The following KIAA1217 variants were observed in gnomAD, a reference collection of about 807,000 sequenced individuals.
The protein encoded by KIAA1217 is sickle tail protein homolog.
In KIAA1217, 88 loss-of-function variants were observed where a neutral mutation model predicts 163.9. The observed-to-expected ratio is 0.54, with a 90% CI of 0.45 to 0.64. The LOEUF (loss-of-function observed/expected upper bound fraction) is 0.64. KIAA1217 is among the 30% of genes least tolerant of loss of function. The probability of loss-of-function intolerance (pLI) is 0.00; values close to 1 mark genes in which losing one functional copy is unlikely to be tolerated. For missense variants in KIAA1217, 2,372 were observed against 2,475.0 expected, an observed-to-expected ratio of 0.96 and a Z score of 0.88; for synonymous variants, 903 against 923.1, an observed-to-expected ratio of 0.98 and a Z score of 0.39.
chr10:24,501,310 TGGG>T, intron 8 of KIAA1217, 66 bp from the exon 9 acceptor site: 1 of 1,431,876 alleles, frequency 7.0e-7, no homozygotes, highest in South Asian at 1.3e-5. Context: ...TCATCTGCAT[TGGG>T]ATGGGATGCA....
chr10:24,208,719 G>A (rs1352480258), upstream of KIAA1217: 1 of 153,646 alleles, frequency 6.5e-6, no homozygotes, highest in Non-Finnish European at 1.4e-5. Flanking sequence ...AGATTAAAGA[G>A]ATGAGGGCAC....
At chr10:24,267,188 A>G (rs1197499025) in intron 2 of KIAA1217, among the ~76,000 whole-genome samples, 1 of 152,164 alleles carries the variant, frequency 6.6e-6, no homozygotes, top group Non-Finnish European at 1.5e-5. Flanking sequence ...CCTCTTCTCC[A>G]TAAGTATAAT....
chr10:24,131,165 G>A (rs536465143), intron 2 of KIAA1217, among the ~76,000 whole-genome samples: 46 of 152,064 alleles, frequency 3.0e-4, no homozygotes, highest in Admixed American at 7.2e-4. Flanking sequence ...GATCCAAGGT[G>A]GATTTGAAGA....
At chr10:23,988,674 C>T (rs1846085909) in intron 1 of KIAA1217, among the ~76,000 whole-genome samples, 1 of 152,162 alleles carries the variant, frequency 6.6e-6, no homozygotes, top group South Asian at 2.1e-4. Context: ...TATTAAAACA[C>T]ACCCTAAGTA....
intron 1 of KIAA1217, among the ~76,000 whole-genome samples, chr10:23,913,008 A>G (rs1842499298): frequency 6.6e-6 from 1 of 152,136 alleles, no homozygotes; most frequent in African/African-American, 2.4e-5. Context: ...TGAGTTGTCT[A>G]TGTAGCACCC....
At chr10:23,854,837 C>A (rs1363257365) in intron 1 of KIAA1217, among the ~76,000 whole-genome samples, 1 of 151,980 alleles carries the variant, frequency 6.6e-6, no homozygotes, top group Non-Finnish European at 1.5e-5. Context: ...GGATTGCAAC[C>A]CCTGCCTTTT....
intron 4 of KIAA1217, among the ~76,000 whole-genome samples, chr10:24,436,757 C>CAAAAAAA (rs10560676): frequency 1.4e-4 from 10 of 70,872 alleles, no homozygotes; most frequent in African/African-American, 1.7e-4. Context: ...GACTCCGTCT[C>CAAAAAAA]AAAAAAAAAA....
chr10:24,411,636 A>G (rs1564633652), intron 3 of KIAA1217, among the ~76,000 whole-genome samples: 1 of 152,216 alleles, frequency 6.6e-6, no homozygotes, highest in Non-Finnish European at 1.5e-5. Context: ...ACATATACAC[A>G]CAGATATATA....
intron 5 of KIAA1217, among the ~76,000 whole-genome samples, chr10:24,444,944 G>C (rs79559695): frequency 0.079 from 12,055 of 152,016 alleles, 656 homozygotes; most frequent in East Asian, 0.17. Context: ...ATTCTACTTT[G>C]ACTTCTTTTT....
chr10:24,343,190 G>C (rs977887617), intron 2 of KIAA1217, among the ~76,000 whole-genome samples: 2 of 152,080 alleles, frequency 1.3e-5, no homozygotes, highest in African/African-American at 4.8e-5. Context: ...AGAATTGATT[G>C]TTCAAAATGT....
At position 24,473,786 on chromosome 10, in the gene KIAA1217, A is replaced by G. The variant is rs1172696400; in HGVS notation, c.1405A>G (p.Lys469Glu). Reference sequence around the variant, plus strand: ...TAGCCATTTGCCTACACTGGGCTCCAAAACACCCCCTGCCTCTCCTCACAG... The same window carrying G: ...TAGCCATTTGCCTACACTGGGCTCCGAAACACCCCCTGCCTCTCCTCACAG... Reference protein sequence around the residue: ...PDSHLPTLGSKTPPASPHRVS... With the variant: ...PDSHLPTLGSETPPASPHRVS... The change falls in exon 6 of 21, where the codon AAA becomes GAA. Residue 469 changes from lysine (K) to glutamate (E), a missense_variant. Transcript: ENST00000376454. 3 of 1,614,072 alleles carry G rather than the reference A, an allele frequency of 1.9e-6. No individual in the cohort carries two copies. In the African/African-American group the frequency reaches 4.0e-5, roughly 22 times the overall value.
intron 2 of KIAA1217, among the ~76,000 whole-genome samples, chr10:24,348,758 T>C (rs989320796): frequency 2.0e-5 from 3 of 152,124 alleles, no homozygotes; most frequent in Admixed American, 6.5e-5. Context: ...AGCTGAATCA[T>C]TGGGGATTTT....
At chr10:24,433,231 T>G (rs2059738504) in intron 4 of KIAA1217, 38 bp downstream of exon 4, 1 of 1,527,922 alleles carries the variant, frequency 6.5e-7, no homozygotes, top group Non-Finnish European at 8.9e-7. Context: ...CCATTTTGCC[T>G]TAGAGTTTTT....
rs1285415158 is a variant in KIAA1217, at chr10:24,088,274, T to TATATATATATATATATAC, written c.-171+80901_-171+80902insTATATATATATATATACA. ...TAATATACATATATATATATATATATACACACATATATGTGTATATATATA... is the reference window on the plus strand; with the variant it reads ...TAATATACATATATATATATATATATATATATATATATATATACACACACATATATGTGTATATATATA... On this transcript the variant is annotated intron_variant, in intron 2 of 18. Transcript: ENST00000376462. 1.8e-3 allele frequency among the ~76,000 whole-genome samples: 190 copies of TATATATATATATATATAC among 107,218 alleles called. 3 individuals are homozygous for TATATATATATATATATAC. The highest frequency in any genetic ancestry group is 5.6e-3 in the African/African-American group (182 of 32,298). 70.3% of individuals were successfully genotyped at this position (107,218 alleles called of 152,430 possible).
At chr10:24,124,841 T>A (rs920334450) in intron 2 of KIAA1217, among the ~76,000 whole-genome samples, 1 of 152,224 alleles carries the variant, frequency 6.6e-6, no homozygotes, top group Non-Finnish European at 1.5e-5. Flanking sequence ...TCTTAGAATT[T>A]TTATATTCAT....
intron 2 of KIAA1217, among the ~76,000 whole-genome samples, chr10:24,349,750 G>A (rs769602809): frequency 1.3e-5 from 2 of 152,200 alleles, no homozygotes; most frequent in Non-Finnish European, 2.9e-5. Flanking sequence ...GATTATGAGA[G>A]CTTCGTGAAG....
chr10:23,750,237 C>T (rs1451094790), intron 1 of KIAA1217, among the ~76,000 whole-genome samples: 2 of 152,204 alleles, frequency 1.3e-5, no homozygotes, highest in African/African-American at 4.8e-5. Context: ...TAATGCCCTT[C>T]CATTTCTCTG....
At chr10:23,763,261 A>G (rs1834351198) in intron 1 of KIAA1217, among the ~76,000 whole-genome samples, 1 of 152,210 alleles carries the variant, frequency 6.6e-6, no homozygotes, top group African/African-American at 2.4e-5. Context: ...AGAAAAAACT[A>G]TTTTAAATTT....
rs570544357 is a variant in KIAA1217 at position 23,851,539 on chromosome 10, G to A, written c.-320-155686G>A. ...TTGGGCATATACCCAGTAAAGAGAT[G>A]GCTGGGTCAAATGGTATTTCTAGTT... On this transcript the variant is annotated intron_variant, in intron 1 of 18. Coordinates refer to the KIAA1217 transcript ENST00000376462. Among the ~76,000 whole-genome samples the A allele has an allele frequency of 3.9e-5, 6 of 152,264 alleles. No individual in the cohort carries two copies. In the South Asian group the frequency reaches 6.2e-4, roughly 16 times the overall value.
Sources: allele counts gnomAD v4.1 joint callset (sites outside exome capture counted in the v4.1 genomes callset), GRCh38; gene constraint gnomAD v4.1.1; transcripts MANE v1.5; gene names NCBI Gene and HGNC (gene_info 2026-07-23, HGNC 2026-07-21).